Variants in RGSL1 observed in about 807,000 individuals in gnomAD.
RGSL1 encodes the protein regulator of G protein signaling like 1.
Under a neutral mutation model 124.7 loss-of-function variants are expected in RGSL1, and 97 were observed. The observed-to-expected ratio is 0.78, with a 90% CI of 0.66 to 0.92. The LOEUF (loss-of-function observed/expected upper bound fraction) is 0.92. Ranked by LOEUF, RGSL1 falls within the 40% of genes least tolerant of loss-of-function variation. The pLI is 0.00. For synonymous variants in RGSL1, 424 were observed against 438.1 expected (o/e 0.97, Z 0.40); for missense variants, 1,233 against 1,288.4 (o/e 0.96, Z 0.66).
chr1:182,556,360 T>C, intron 21 of RGSL1, 138 bp downstream of exon 21: 1 of 349,576 alleles, frequency 2.9e-6, no homozygotes, highest in East Asian at 5.0e-5. Context: ...AAGAATCCCA[T>C]GACAAATGGA....
At chr1:182,542,887 T>C (rs1336935535) in intron 15 of RGSL1, among the ~76,000 whole-genome samples, 1 of 152,154 alleles carries the variant, frequency 6.6e-6, no homozygotes, top group East Asian at 1.9e-4. Context: ...ATGCTTCTGA[T>C]TTTCACATGT....
chr1:182,470,312 A>G (rs1461971575), intron 4 of RGSL1, among the ~76,000 whole-genome samples: 1 of 152,066 alleles, frequency 6.6e-6, no homozygotes, highest in Non-Finnish European at 1.5e-5. Context: ...ACACCCCTAC[A>G]GTGACCTTCA....
Position 182,547,425 on chromosome 1 carries a change from T to C in RGSL1, c.2670-892T>C, listed in dbSNP as rs181795445. On this transcript the variant is annotated intron_variant, in intron 15 of 21. Transcript: ENST00000294854. Reference sequence around the variant, plus strand: ...GAGCAGAGGGAGATACTAGTCAGAGTGAATAGCCTCACCTGCTGCTGCTCC... The same window carrying C: ...GAGCAGAGGGAGATACTAGTCAGAGCGAATAGCCTCACCTGCTGCTGCTCC... 7.3e-3 allele frequency among the ~76,000 whole-genome samples: 1,114 copies of C among 151,948 alleles called. 9 individuals are homozygous for C. Among genetic ancestry groups the C allele is most frequent in the Non-Finnish European group, 0.012 (806 of 67,944 alleles).
intron 14 of RGSL1, 113 bp from the exon 15 acceptor site, chr1:182,540,134 G>A (rs266531): frequency 0.86 from 925,433 of 1,074,050 alleles, 401,746 homozygotes; most frequent in Non-Finnish European, 0.88. Context: ...GACTATTTCA[G>A]TAGGCCAAAA....
intron 9 of RGSL1, among the ~76,000 whole-genome samples, chr1:182,493,606 T>C (rs2102115432): frequency 6.6e-6 from 1 of 152,316 alleles, no homozygotes; most frequent in African/African-American, 2.4e-5. Context: ...AGGGTGGCCC[T>C]TCAGAGTTGT....
chr1:182,536,149 G>A (rs1467093330), intron 14 of RGSL1, among the ~76,000 whole-genome samples: 1 of 151,984 alleles, frequency 6.6e-6, no homozygotes, highest in African/African-American at 2.4e-5. Context: ...CCTTTTTATT[G>A]CTGGGTAGTA....
intron 4 of RGSL1, among the ~76,000 whole-genome samples, chr1:182,462,855 CA>C (rs1185857037): frequency 1.3e-5 from 2 of 151,962 alleles, no homozygotes; most frequent in Non-Finnish European, 2.9e-5. Context: ...AGAATTTACA[CA>C]AAAGGAAATG....
At chr1:182,464,533 G>A (rs1386951770) in intron 4 of RGSL1, among the ~76,000 whole-genome samples, 13 of 152,032 alleles carry the variant, frequency 8.6e-5, no homozygotes, top group Non-Finnish European at 1.5e-5. Flanking sequence ...AGACCAGCCT[G>A]GCCAACATGG....
intron 15 of RGSL1, 100 bp from the exon 16 acceptor site, chr1:182,548,217 C>T (rs774854253): frequency 1.1e-5 from 14 of 1,292,858 alleles, no homozygotes; most frequent in Non-Finnish European, 1.5e-5. Flanking sequence ...TAGAACTGGC[C>T]TTGCGTTTTT....
intron 9 of RGSL1, among the ~76,000 whole-genome samples, chr1:182,509,495 C>A (rs1248444724): frequency 7.0e-5 from 3 of 42,966 alleles, no homozygotes; most frequent in East Asian, 5.4e-4. Context: ...GGGGGGCTGA[C>A]CCCCCCACCT....
At chr1:182,558,319 CAAGA>C (rs1399269797) in intron 21 of RGSL1, among the ~76,000 whole-genome samples, 2 of 151,926 alleles carry the variant, frequency 1.3e-5, no homozygotes, top group African/African-American at 4.8e-5. Flanking sequence ...AGGAAAAGGC[CAAGA>C]AAGAGGGACC....
Position 182,504,303 on chromosome 1 carries a change from TC to T in RGSL1, c.1825+11175del, listed in dbSNP as rs1393585849. On this transcript the variant is annotated intron_variant, in intron 9 of 21. Coordinates refer to ENST00000294854, the MANE Select transcript of RGSL1 (RefSeq NM_001137669.2). The stretch of plus-strand genomic sequence containing the variant: ...GGCCAGTTTCTCTTTATTGGTACTC[TC>T]TTTCGGTTAGACATAATTCTCCCGG... 6.6e-5 allele frequency among the ~76,000 whole-genome samples: 10 copies of T among 152,086 alleles called. No individual in the cohort carries two copies. In the East Asian group the frequency reaches 1.9e-3, roughly 29 times the overall value.
rs749310786 is a variant in RGSL1, at chr1:182,453,955, T to G, written c.14-3T>G. 3.5e-6 allele frequency: 5 copies of G among 1,445,286 alleles called. No homozygotes were observed. The South Asian group carries it at 6.1e-5, about 18-fold the overall frequency. The allele number at this position is 1,445,286 out of a possible 1,614,324, so 89.5% of individuals were successfully genotyped here. On this transcript the variant is annotated splice_polypyrimidine_tract_variant and splice_region_variant and intron_variant, in intron 1 of 21. Coordinates refer to ENST00000294854, the MANE Select transcript of RGSL1 (RefSeq NM_001137669.2). ...GTTTTTTTATTTCTCTCTCTCCATA[T>G]AGAGATAATTGGTTCTACAAATCTT... is the stretch of plus-strand genomic sequence containing the variant.
At chr1:182,517,122 T>C (rs1170532558) in intron 9 of RGSL1, among the ~76,000 whole-genome samples, 1 of 152,194 alleles carries the variant, frequency 6.6e-6, no homozygotes, top group African/African-American at 2.4e-5. Flanking sequence ...ATTTGAAAGA[T>C]AACTTTTCTG....
chr1:182,489,875 A>G (rs1402080198), intron 8 of RGSL1, among the ~76,000 whole-genome samples: 5 of 152,242 alleles, frequency 3.3e-5, no homozygotes, highest in African/African-American at 9.6e-5. Flanking sequence ...CAATCACTTA[A>G]GAGTTCAATA....
At position 182,540,258 on chromosome 1, in the gene RGSL1, G is replaced by A; in HGVS notation, c.2506G>A (p.Ala836Thr). Residue 836 changes from alanine (A) to threonine (T), a missense_variant, in exon 15 of 22, where the codon GCA (alanine) becomes ACA (threonine). Physicochemically the swap from Ala to Thr is moderately conservative, Grantham distance 58 (BLOSUM62 0). Transcript: ENST00000294854. ...MQNSKENFTT[A>T]HNTSGRSAPP... ...TCTTTCTCTCTCAGATTTCACCACA[G>A]CACACAACACATCGGGACGTTCAGC... The A allele has an allele frequency of 6.5e-7, 1 of 1,548,936 alleles. No individual in the cohort carries two copies. The highest frequency in any genetic ancestry group is 1.2e-5 in the South Asian group (1 of 83,472).
At chr1:182,505,011 A>G (rs2102164149) in intron 9 of RGSL1, among the ~76,000 whole-genome samples, 1 of 152,278 alleles carries the variant, frequency 6.6e-6, no homozygotes, top group Non-Finnish European at 1.5e-5. Context: ...TGGTATACAT[A>G]CAAGCTTTGA....
chr1:182,478,439 G>T (rs1223345299), intron 6 of RGSL1, among the ~76,000 whole-genome samples: 2 of 152,168 alleles, frequency 1.3e-5, no homozygotes, highest in Non-Finnish European at 2.9e-5. Flanking sequence ...AGCTTCAACA[G>T]CAGGCTTGAT....
rs548517851 is a variant in RGSL1 at position 182,548,791 on chromosome 1, C to T, written c.2900C>T (p.Ser967Phe). Residue 967 changes from serine (S) to phenylalanine (F), a missense_variant, in exon 17 of 22, where the codon TCT (serine) becomes TTT (phenylalanine). Transcript: ENST00000294854. The part of the protein sequence containing the change: ...DRSVFHGAIM[S>F]VFPVVMYFWK... ...AGCGTCTTCCATGGGGCTATCATGTCTGTCTTCCCCGTTGTTATGTACTTC... is the reference window on the plus strand; with the variant it reads ...AGCGTCTTCCATGGGGCTATCATGTTTGTCTTCCCCGTTGTTATGTACTTC... 3 of 1,551,666 alleles carry T rather than the reference C, an allele frequency of 1.9e-6. No individual in the cohort carries two copies. The highest frequency in any genetic ancestry group is 2.4e-5 in the South Asian group (2 of 84,052).
Sources: gnomAD v4.1 joint callset for allele counts (sites outside exome capture counted in the v4.1 genomes callset) on GRCh38, gnomAD v4.1.1 for gene constraint, MANE v1.5 for transcripts, NCBI Gene and HGNC (gene_info 2026-07-23, HGNC 2026-07-21) for gene names.